Variants in XRCC4 observed in about 807,000 individuals in gnomAD.
The protein encoded by XRCC4 is DNA repair protein XRCC4.
A neutral mutation model predicts 39.1 loss-of-function variants in XRCC4; 28 were observed. The ratio of observed to expected loss-of-function variants is 0.72; its 90% confidence interval spans 0.53 to 0.98. The LOEUF is 0.98. Among genes scored for constraint, XRCC4 ranks in the 50% least tolerant of loss-of-function variants. The pLI is 0.00. For missense variants in XRCC4, 350 were observed against 376.4 expected, an observed-to-expected ratio of 0.93 and a Z score of 0.58; for synonymous variants, 123 against 126.4, an observed-to-expected ratio of 0.97 and a Z score of 0.18.
intron 3 of XRCC4, among the ~76,000 whole-genome samples, chr5:83,187,085 A>G (rs1750483233): frequency 1.9e-5 from 2 of 106,230 alleles, no homozygotes; most frequent in East Asian, 4.3e-4. Flanking sequence ...CCGGGACCAC[A>G]GGCGCCCGCC....
chr5:83,235,232 G>A (rs1752640094), intron 6 of XRCC4, among the ~76,000 whole-genome samples: 1 of 150,292 alleles, frequency 6.7e-6, no homozygotes, highest in East Asian at 2.0e-4. Flanking sequence ...CTACTTGGGA[G>A]TCTAAGGAGG....
chr5:83,166,156 GGATTACAGGTGT>G (rs1211565737), intron 3 of XRCC4, among the ~76,000 whole-genome samples: 4 of 151,812 alleles, frequency 2.6e-5, no homozygotes, highest in Non-Finnish European at 5.9e-5. Context: ...CAAAGTGCTG[GGATTACAGGTGT>G]GAGCCACCAC....
intron 3 of XRCC4, among the ~76,000 whole-genome samples, chr5:83,159,423 A>T (rs928602605): frequency 6.6e-5 from 10 of 152,186 alleles, no homozygotes; most frequent in African/African-American, 2.4e-4. Context: ...CCCCCAGAAC[A>T]CTGCCATGTG....
chr5:83,137,971 C>A lies in XRCC4; in HGVS notation c.315+26768C>A, dbSNP rs76319702. ...TAGTGGACAGAACATAGTATCTAGG[C>A]CTGACTCTTGAATTTAATTATTTCT... On this transcript the variant is annotated intron_variant, in intron 3 of 7. Transcript: ENST00000396027. Among the ~76,000 whole-genome samples the A allele has an allele frequency of 2.9e-3, 441 of 152,190 alleles. 12 individuals carry two copies. The East Asian group carries it at 0.073, about 25-fold the overall frequency.
intron 7 of XRCC4, among the ~76,000 whole-genome samples, chr5:83,316,665 T>A (rs1488846897): frequency 8.0e-6 from 1 of 125,508 alleles, no homozygotes; most frequent in Non-Finnish European, 1.7e-5. Context: ...ATCCTAAATA[T>A]TTATGCACCC....
chr5:83,356,758 T>C (rs1757194380), downstream of XRCC4: 1 of 454,658 alleles, frequency 2.2e-6, no homozygotes. Flanking sequence ...AATGCTGAAA[T>C]GGAAGGCACA....
chr5:83,326,169 T>C (rs1756253045), intron 7 of XRCC4, among the ~76,000 whole-genome samples: 1 of 152,190 alleles, frequency 6.6e-6, no homozygotes, highest in Admixed American at 6.6e-5. Flanking sequence ...GTCAAATGGA[T>C]AGATAGCAAA....
At chr5:83,361,837 G>T in the XRCC4 span, among the ~76,000 whole-genome samples, 1 of 151,824 alleles carries the variant, frequency 6.6e-6, no homozygotes, top group Non-Finnish European at 1.5e-5. Flanking sequence ...GGCCAGGCTG[G>T]TCAACTCTAT....
intron 7 of XRCC4, among the ~76,000 whole-genome samples, chr5:83,328,434 G>C (rs1756336225): frequency 6.6e-6 from 1 of 151,968 alleles, no homozygotes; most frequent in Non-Finnish European, 1.5e-5. Flanking sequence ...CTTGATACAT[G>C]ACAAAAATGC....
chr5:83,204,195 A>G (rs529453168), intron 5 of XRCC4, among the ~76,000 whole-genome samples: 5 of 152,120 alleles, frequency 3.3e-5, no homozygotes, highest in Non-Finnish European at 7.4e-5. Context: ...TTTTTATGGA[A>G]GAATCCTAAG....
intron 6 of XRCC4, among the ~76,000 whole-genome samples, chr5:83,238,785 CA>C (rs914674539): frequency 8.0e-5 from 12 of 150,114 alleles, no homozygotes; most frequent in African/African-American, 9.8e-5. Context: ...TTATCAGTAA[CA>C]AAAAAAAATT....
At chr5:83,111,264 T>C (rs1444141929) in intron 3 of XRCC4, 61 bp downstream of exon 3, 3 of 1,377,532 alleles carry the variant, frequency 2.2e-6, no homozygotes, top group South Asian at 1.5e-5. Context: ...TGAGGAATTA[T>C]ATTTAAATTT....
chr5:83,131,660 G>T (rs1747590449), intron 3 of XRCC4, among the ~76,000 whole-genome samples: 1 of 151,856 alleles, frequency 6.6e-6, no homozygotes, highest in Non-Finnish European at 1.5e-5. Flanking sequence ...TTTGATCTTT[G>T]TTGGTTTAAA....
chr5:83,238,262 T>C (rs907312614), intron 6 of XRCC4, among the ~76,000 whole-genome samples: 8 of 152,232 alleles, frequency 5.3e-5, no homozygotes, highest in African/African-American at 1.9e-4. Flanking sequence ...ACATTTCTCC[T>C]ATGTCACAAG....
intron 7 of XRCC4, among the ~76,000 whole-genome samples, chr5:83,333,655 G>A (rs916820521): frequency 6.6e-6 from 1 of 152,096 alleles, no homozygotes; most frequent in African/African-American, 2.4e-5. Context: ...TTTTATCACT[G>A]GCAAGGAAGG....
chr5:83,086,732 C>T (rs574597908), intron 1 of XRCC4, among the ~76,000 whole-genome samples: 6 of 151,784 alleles, frequency 4.0e-5, no homozygotes, highest in Non-Finnish European at 8.8e-5. Context: ...AGTTGTTCAG[C>T]GATCAACTGT....
chr5:83,154,518 G>A (rs79218636), intron 3 of XRCC4, among the ~76,000 whole-genome samples: 5 of 152,262 alleles, frequency 3.3e-5, no homozygotes, highest in Non-Finnish European at 5.9e-5. Context: ...TAAGGGATAT[G>A]CAATTTGTAT....
intron 1 of XRCC4, among the ~76,000 whole-genome samples, chr5:83,081,411 C>A (rs1375446097): frequency 6.6e-6 from 1 of 152,074 alleles, no homozygotes; most frequent in Non-Finnish European, 1.5e-5. Context: ...TTTTCTCCCC[C>A]CTTGTTTTTA....
chr5:83,297,251 C>T (rs1029192192), intron 7 of XRCC4, among the ~76,000 whole-genome samples: 7 of 151,848 alleles, frequency 4.6e-5, no homozygotes, highest in African/African-American at 1.7e-4. Context: ...ATATTTAAAA[C>T]AAGACTAAGT....
Sources: gnomAD v4.1 joint callset for allele counts (sites outside exome capture counted in the v4.1 genomes callset) on GRCh38, gnomAD v4.1.1 for gene constraint, MANE v1.5 for transcripts, NCBI Gene and HGNC (gene_info 2026-07-23, HGNC 2026-07-21) for gene names.